The following HS3ST5 variants were observed in gnomAD, a reference collection of about 807,000 sequenced individuals.
HS3ST5 encodes the protein heparan sulfate-glucosamine 3-sulfotransferase 5.
HS3ST5 carries 10 observed loss-of-function variants against 25.4 expected under a neutral mutation model. That is an observed-to-expected ratio of 0.39 (90% CI 0.24 to 0.67). The LOEUF is 0.67. Ranked by LOEUF, HS3ST5 falls within the 30% of genes least tolerant of loss-of-function variation. The pLI is 0.44. For missense variants in HS3ST5, 324 were observed against 420.7 expected (o/e 0.77, Z 2.01); for synonymous variants, 170 against 162.4 (o/e 1.05, Z -0.36).
intron 1 of HS3ST5, among the ~76,000 whole-genome samples, chr6:114,313,815 C>T (rs949332318): frequency 3.3e-5 from 5 of 152,076 alleles, no homozygotes; most frequent in African/African-American, 9.7e-5. Context: ...ATGTATCGAT[C>T]GAGTAATTAA....
At chr6:114,200,362 TG>T (rs1562235403) in intron 2 of HS3ST5, among the ~76,000 whole-genome samples, 3 of 152,240 alleles carry the variant, frequency 2.0e-5, no homozygotes, top group African/African-American at 7.2e-5. Context: ...AACTAGTTAT[TG>T]TTTATTTTGA....
intron 3 of HS3ST5, among the ~76,000 whole-genome samples, chr6:114,122,239 AT>A: frequency 6.6e-6 from 1 of 152,340 alleles, no homozygotes; most frequent in South Asian, 2.1e-4. Context: ...ACTCTGCAGG[AT>A]ACCCATATCA....
chr6:114,100,614 CTG>C (rs1029511631), intron 3 of HS3ST5, among the ~76,000 whole-genome samples: 11 of 152,156 alleles, frequency 7.2e-5, no homozygotes, highest in African/African-American at 2.7e-4. Context: ...GGAAGTTTAA[CTG>C]TTTTTCCTGT....
At chr6:114,309,739 A>G (rs1243715878) in intron 1 of HS3ST5, among the ~76,000 whole-genome samples, 2 of 152,214 alleles carry the variant, frequency 1.3e-5, no homozygotes, top group African/African-American at 4.8e-5. Context: ...CTTTGTCTCA[A>G]AAACAACAAA....
At chr6:114,118,220 A>G (rs1286803340) in intron 3 of HS3ST5, among the ~76,000 whole-genome samples, 2 of 152,190 alleles carry the variant, frequency 1.3e-5, no homozygotes, top group East Asian at 3.9e-4. Context: ...GGGGGCATGT[A>G]TGGACATCTA....
At chr6:114,235,178 G>C (rs1444046594) in intron 1 of HS3ST5, among the ~76,000 whole-genome samples, 2 of 152,072 alleles carry the variant, frequency 1.3e-5, no homozygotes, top group African/African-American at 4.8e-5. Flanking sequence ...TCTTCTAAGA[G>C]TATGAGATTG....
chr6:114,271,959 T>C (rs1773654302), intron 1 of HS3ST5, among the ~76,000 whole-genome samples: 1 of 152,112 alleles, frequency 6.6e-6, no homozygotes, highest in Non-Finnish European at 1.5e-5. Context: ...CTCAATATAT[T>C]AGCAAAGCAG....
chr6:114,200,474 G>A (rs1347261817), intron 2 of HS3ST5, among the ~76,000 whole-genome samples: 1 of 152,208 alleles, frequency 6.6e-6, no homozygotes, highest in Non-Finnish European at 1.5e-5. Flanking sequence ...TGAATTGCCT[G>A]TAACGAGCAT....
At chr6:114,335,161 G>A (rs1776558156) in intron 1 of HS3ST5, among the ~76,000 whole-genome samples, 1 of 152,040 alleles carries the variant, frequency 6.6e-6, no homozygotes. Context: ...TTAGCTCTGG[G>A]TCCTTCCTGG....
chr6:114,332,369 G>T (rs1776437014), intron 1 of HS3ST5, among the ~76,000 whole-genome samples: 1 of 152,024 alleles, frequency 6.6e-6, no homozygotes, highest in African/African-American at 2.4e-5. Flanking sequence ...TTGAAAGTTG[G>T]GTTGCCCTTG....
chr6:114,217,966 C>T (rs1470777667), intron 2 of HS3ST5, among the ~76,000 whole-genome samples: 1 of 152,142 alleles, frequency 6.6e-6, no homozygotes, highest in East Asian at 1.9e-4. Flanking sequence ...ATGATTCTAA[C>T]AAACACTAAA....
At chr6:114,113,030 C>T (rs1776342437) in intron 3 of HS3ST5, among the ~76,000 whole-genome samples, 1 of 152,112 alleles carries the variant, frequency 6.6e-6, no homozygotes, top group African/African-American at 2.4e-5. Context: ...GTAGCTCAGG[C>T]AAAATATGCT....
At chr6:114,210,972 A>G (rs564741634) in intron 2 of HS3ST5, among the ~76,000 whole-genome samples, 1 of 152,288 alleles carries the variant, frequency 6.6e-6, no homozygotes, top group South Asian at 2.1e-4. Flanking sequence ...GTTACTCCTC[A>G]ACCCTTTTAT....
At chr6:114,131,810 C>T (rs553512482) in intron 3 of HS3ST5, among the ~76,000 whole-genome samples, 1 of 152,284 alleles carries the variant, frequency 6.6e-6, no homozygotes, top group African/African-American at 2.4e-5. Flanking sequence ...TGATTAGTAA[C>T]ATTCATTATC....
chr6:114,139,878 A>G (rs778076733), intron 3 of HS3ST5, among the ~76,000 whole-genome samples: 2 of 152,242 alleles, frequency 1.3e-5, no homozygotes, highest in Non-Finnish European at 2.9e-5. Flanking sequence ...TACCTCATTT[A>G]TTCACTCATT....
rs556267814 is a variant in HS3ST5, at chr6:114,123,476, A to G, written c.-33+44875T>C. Reference sequence around the variant, plus strand: ...CCAAGAGGATAATTCTTTAAAAAGTATCAAGAAAATGAAAATAAAAATGAA... The same window carrying G: ...CCAAGAGGATAATTCTTTAAAAAGTGTCAAGAAAATGAAAATAAAAATGAA... On this transcript the variant is annotated intron_variant, in intron 3 of 4. Coordinates refer to ENST00000312719, the MANE Select transcript of HS3ST5 (RefSeq NM_153612.4). Among the ~76,000 whole-genome samples, 14 of 152,378 alleles carry G rather than the reference A, an allele frequency of 9.2e-5. No individual in the cohort carries two copies. The South Asian group carries it at 2.5e-3, about 27-fold the overall frequency.
intron 1 of HS3ST5, among the ~76,000 whole-genome samples, chr6:114,305,878 A>C (rs1251701044): frequency 6.6e-6 from 1 of 152,120 alleles, no homozygotes; most frequent in Non-Finnish European, 1.5e-5. Flanking sequence ...CTTGACAGTG[A>C]CTAGAAGATT....
At chr6:114,196,375 G>A (rs1780756146) in intron 2 of HS3ST5, among the ~76,000 whole-genome samples, 1 of 152,114 alleles carries the variant, frequency 6.6e-6, no homozygotes, top group African/African-American at 2.4e-5. Flanking sequence ...GGGAGACGGA[G>A]TTGAGCAAAA....
chr6:114,328,716 G>C (rs1776272463), intron 1 of HS3ST5, among the ~76,000 whole-genome samples: 1 of 152,192 alleles, frequency 6.6e-6, no homozygotes, highest in Admixed American at 6.5e-5. Context: ...GCAGGAATCT[G>C]CTTTGCTAAT....
Sources: allele counts gnomAD v4.1 joint callset (sites outside exome capture counted in the v4.1 genomes callset), GRCh38; gene constraint gnomAD v4.1.1; transcripts MANE v1.5; gene names NCBI Gene and HGNC (gene_info 2026-07-23, HGNC 2026-07-21).